VWA3B: variants seen among roughly 807,000 people sequenced by gnomAD.
VWA3B encodes von Willebrand factor A domain containing 3B.
Under a neutral mutation model 158.3 loss-of-function variants are expected in VWA3B, and 138 were observed. The ratio of observed to expected loss-of-function variants is 0.87; its 90% CI spans 0.76 to 1.00. VWA3B has a LOEUF of 1.00. Among genes scored for constraint, VWA3B ranks in the 50% least tolerant of loss-of-function variants. The pLI is 0.00. For missense variants in VWA3B, 1,555 were observed against 1,565.1 expected, an observed-to-expected ratio of 0.99 and a Z score of 0.11; for synonymous variants, 596 against 587.3, an observed-to-expected ratio of 1.01 and a Z score of -0.21.
intron 11 of VWA3B, 144 bp downstream of exon 11, chr2:98,193,180 A>T: frequency 8.8e-7 from 1 of 1,133,614 alleles, no homozygotes; most frequent in Non-Finnish European, 1.2e-6. Flanking sequence ...AAGAATCATC[A>T]GTTCTCTTTT....
At chr2:98,155,771 G>A (rs1339814823) in intron 7 of VWA3B, among the ~76,000 whole-genome samples, 5 of 152,092 alleles carry the variant, frequency 3.3e-5, no homozygotes, top group Admixed American at 2.0e-4. Context: ...AGATGGTGTC[G>A]GGGGTTCCCA....
At chr2:98,091,523 T>A (rs1682292939) in intron 1 of VWA3B, among the ~76,000 whole-genome samples, 1 of 152,188 alleles carries the variant, frequency 6.6e-6, no homozygotes, top group African/African-American at 2.4e-5. Flanking sequence ...GTGGACAAGT[T>A]AATTAACCCC....
intron 20 of VWA3B, among the ~76,000 whole-genome samples, chr2:98,253,883 G>A (rs1178848254): frequency 6.6e-6 from 1 of 152,134 alleles, no homozygotes; most frequent in Admixed American, 6.5e-5. Flanking sequence ...TCCAGTGCCG[G>A]GCCTGAATCC....
At chr2:98,145,216 G>T (rs1677084558) in intron 7 of VWA3B, among the ~76,000 whole-genome samples, 1 of 152,112 alleles carries the variant, frequency 6.6e-6, no homozygotes, top group African/African-American at 2.4e-5. Context: ...AGATTCCTTG[G>T]ATTGTATCTT....
At chr2:98,289,994 T>C (rs1320100380) in intron 22 of VWA3B, among the ~76,000 whole-genome samples, 1 of 152,242 alleles carries the variant, frequency 6.6e-6, no homozygotes, top group African/African-American at 2.4e-5. Context: ...GAGTGTATAG[T>C]ACAGGGATAT....
chr2:98,327,900 C>T, the VWA3B span, among the ~76,000 whole-genome samples: 1 of 152,206 alleles, frequency 6.6e-6, no homozygotes, highest in Non-Finnish European at 1.5e-5. Flanking sequence ...ACAGCTGTTA[C>T]CTATTGCTCA....
intron 12 of VWA3B, 42 bp downstream of exon 12, chr2:98,194,534 C>G (rs1485998562): frequency 6.2e-7 from 1 of 1,607,226 alleles, no homozygotes; most frequent in Admixed American, 1.7e-5. Context: ...CTAGGAGTCT[C>G]TCACCTGTGT....
intron 1 of VWA3B, among the ~76,000 whole-genome samples, chr2:98,088,159 C>G (rs1307021653): frequency 1.3e-5 from 2 of 152,196 alleles, no homozygotes; most frequent in Non-Finnish European, 2.9e-5. Flanking sequence ...TCCTTTCTTC[C>G]TGGAAAAATC....
rs1165944612 is a variant in VWA3B, at chr2:98,218,043, G to A, written c.2019+15G>A. Reference sequence around the variant, plus strand: ...AGGCTGTTCAGGTAAGAGCTTGGTGGGCTAAGAAGGGAGTGTTCATTTGTT... The same window carrying A: ...AGGCTGTTCAGGTAAGAGCTTGGTGAGCTAAGAAGGGAGTGTTCATTTGTT... On this transcript the variant is annotated intron_variant, in intron 14 of 27. Transcript: ENST00000477737. 1.9e-6 allele frequency: 3 copies of A among 1,588,116 alleles called. No homozygotes were observed. Among genetic ancestry groups the A allele is most frequent in the Non-Finnish European group, 2.6e-6 (3 of 1,170,478 alleles).
chr2:98,166,196 G>T (rs905856762), intron 8 of VWA3B, among the ~76,000 whole-genome samples: 1 of 152,168 alleles, frequency 6.6e-6, no homozygotes, highest in African/African-American at 2.4e-5. Flanking sequence ...AATTAGCCAG[G>T]TGTGGTGGCG....
At chr2:98,211,000 T>A (rs1021298147) in intron 12 of VWA3B, among the ~76,000 whole-genome samples, 1 of 152,174 alleles carries the variant, frequency 6.6e-6, no homozygotes, top group Admixed American at 6.5e-5. Flanking sequence ...ATACTCCCAG[T>A]GCCAGCGAGG....
chr2:98,126,745 G>C (rs1468019322), intron 5 of VWA3B, among the ~76,000 whole-genome samples: 1 of 152,120 alleles, frequency 6.6e-6, no homozygotes, highest in South Asian at 2.1e-4. Context: ...TTAGAATCAG[G>C]AGCTGGCGTT....
At chr2:98,097,922 T>C (rs1176578272) in intron 2 of VWA3B, among the ~76,000 whole-genome samples, 1 of 152,178 alleles carries the variant, frequency 6.6e-6, no homozygotes, top group Non-Finnish European at 1.5e-5. Flanking sequence ...GGAATGTCTA[T>C]TCATGTCATT....
intron 21 of VWA3B, among the ~76,000 whole-genome samples, chr2:98,256,970 C>T (rs1687192781): frequency 6.6e-6 from 1 of 152,106 alleles, no homozygotes; most frequent in Non-Finnish European, 1.5e-5. Context: ...TCTCTTTTAG[C>T]TATTTTGAAA....
At chr2:98,128,531 A>G (rs1476785730) in intron 6 of VWA3B, 123 bp downstream of exon 6, 3 of 968,352 alleles carry the variant, frequency 3.1e-6, no homozygotes, top group East Asian at 5.2e-5. Context: ...TCTTTCCAGT[A>G]TATTATTTAG....
intron 21 of VWA3B, among the ~76,000 whole-genome samples, chr2:98,261,430 G>C (rs1482638419): frequency 6.6e-6 from 1 of 151,668 alleles, no homozygotes; most frequent in Middle Eastern, 3.2e-3. Context: ...ACAACAAAAG[G>C]AATTACATAC....
chr2:98,098,012 A>G (rs1343080080), intron 2 of VWA3B, among the ~76,000 whole-genome samples: 1 of 152,048 alleles, frequency 6.6e-6, no homozygotes, highest in Non-Finnish European at 1.5e-5. Flanking sequence ...TTTAATTTCA[A>G]TGTATTCGTT....
intron 3 of VWA3B, among the ~76,000 whole-genome samples, chr2:98,116,600 G>A (rs1324274240): frequency 1.3e-5 from 2 of 152,052 alleles, no homozygotes; most frequent in African/African-American, 2.4e-5. Flanking sequence ...TTGACCTCCC[G>A]GGTCCGAGCG....
the VWA3B span, among the ~76,000 whole-genome samples, chr2:98,323,509 G>GC: frequency 2.7e-5 from 4 of 146,712 alleles, no homozygotes; most frequent in African/African-American, 1.0e-4. Context: ...AAAAGAGAAA[G>GC]AAAAAAAAAA....
Sources: allele counts gnomAD v4.1 joint callset (sites outside exome capture counted in the v4.1 genomes callset), GRCh38; gene constraint gnomAD v4.1.1; transcripts MANE v1.5; gene names NCBI Gene and HGNC (gene_info 2026-07-23, HGNC 2026-07-21).